PBX3: variants seen among roughly 807,000 people sequenced by gnomAD.
The protein encoded by PBX3 is PBX homeobox 3.
Under a neutral mutation model 48.5 loss-of-function variants are expected in PBX3, and 14 were observed. That is an observed-to-expected ratio of 0.29 (90% CI 0.19 to 0.45). The LOEUF (loss-of-function observed/expected upper bound fraction) is 0.45. Among genes scored for constraint, PBX3 ranks in the 20% least tolerant of loss-of-function variants. PBX3 has a pLI of 1.00. For synonymous variants in PBX3, 210 were observed against 200.3 expected, an observed-to-expected ratio of 1.05 and a Z score of -0.41; for missense variants, 386 against 546.7, an observed-to-expected ratio of 0.71 and a Z score of 2.93.
chr9:125,876,463 G>A (rs1840249707), intron 2 of PBX3, among the ~76,000 whole-genome samples: 1 of 152,140 alleles, frequency 6.6e-6, no homozygotes, highest in Non-Finnish European at 1.5e-5. Context: ...TGAGGATGAA[G>A]ACCTTTGTGA....
rs1489481466 is a variant in PBX3 at position 125,782,439 on chromosome 9, C to T, written c.274+33816C>T. On this transcript the variant is annotated intron_variant, in intron 2 of 8. Transcript: ENST00000373489. The stretch of plus-strand genomic sequence containing the variant: ...GGTTTTGCCCACCTAGTTTCAATAG[C>T]ACATAAAAACTCTACTCCTTTACAA... Among the ~76,000 whole-genome samples the T allele has an allele frequency of 4.6e-5, 7 of 152,274 alleles. No homozygotes were observed. In the East Asian group the frequency reaches 1.3e-3, roughly 29 times the overall value.
At chr9:125,911,061 C>T (rs867920080) in intron 2 of PBX3, among the ~76,000 whole-genome samples, 2 of 152,026 alleles carry the variant, frequency 1.3e-5, no homozygotes, top group African/African-American at 4.8e-5. Context: ...CTTACCCTCC[C>T]AACCCCAAAT....
chr9:125,931,367 A>G (rs893333900), intron 4 of PBX3, among the ~76,000 whole-genome samples: 3 of 152,308 alleles, frequency 2.0e-5, no homozygotes, highest in East Asian at 1.9e-4. Context: ...AAATGATGCT[A>G]TCATGGCTCA....
intron 2 of PBX3, among the ~76,000 whole-genome samples, chr9:125,859,416 G>A (rs546678112): frequency 2.1e-4 from 32 of 152,316 alleles, no homozygotes; most frequent in Non-Finnish European, 4.0e-4. Flanking sequence ...CCTCCAATGG[G>A]TGGGACTGCA....
chr9:125,781,461 A>G (rs905699591), intron 2 of PBX3, among the ~76,000 whole-genome samples: 5 of 149,540 alleles, frequency 3.3e-5, no homozygotes, highest in African/African-American at 9.8e-5. Flanking sequence ...GTGAGCTGAG[A>G]TGGCAGCAGT....
intron 2 of PBX3, among the ~76,000 whole-genome samples, chr9:125,789,752 C>G (rs1837549301): frequency 6.6e-6 from 1 of 152,070 alleles, no homozygotes; most frequent in Non-Finnish European, 1.5e-5. Context: ...GCCTACCACT[C>G]TGGGTGAAAG....
chr9:125,943,751 A>G (rs1842011711), intron 5 of PBX3, among the ~76,000 whole-genome samples: 1 of 152,158 alleles, frequency 6.6e-6, no homozygotes. Flanking sequence ...GCAAGTGACT[A>G]TTTACAATAG....
intron 2 of PBX3, among the ~76,000 whole-genome samples, chr9:125,869,984 C>T (rs548923535): frequency 2.1e-4 from 32 of 151,438 alleles, no homozygotes; most frequent in African/African-American, 7.5e-4. Flanking sequence ...CTCACAGTTC[C>T]ACGTGTCTGG....
In PBX3 at chr9:125,931,452, C is replaced by T. The variant is rs4571832; in HGVS notation, c.707+1607C>T. 8.8e-3 allele frequency among the ~76,000 whole-genome samples: 1,334 copies of T among 152,186 alleles called. 21 individuals are homozygous for T. The highest frequency in any genetic ancestry group is 0.031 in the African/African-American group (1,284 of 41,516). On this transcript the variant is annotated intron_variant, in intron 4 of 8. Coordinates refer to ENST00000373489, the MANE Select transcript of PBX3 (RefSeq NM_006195.6). ...CGAGTAGCTGGGAGGCATTTGCCACCATGCTCGGATAATTTTTGTATTTTT... is the reference window on the plus strand; with the variant it reads ...CGAGTAGCTGGGAGGCATTTGCCACTATGCTCGGATAATTTTTGTATTTTT...
At chr9:125,850,245 A>C (rs950493341) in intron 2 of PBX3, among the ~76,000 whole-genome samples, 4 of 151,988 alleles carry the variant, frequency 2.6e-5, no homozygotes, top group Non-Finnish European at 5.9e-5. Context: ...TATTTCCACG[A>C]GAGTCTGCAG....
intron 2 of PBX3, among the ~76,000 whole-genome samples, chr9:125,848,217 AAC>A (rs543428404): frequency 6.6e-6 from 1 of 152,078 alleles, no homozygotes; most frequent in Non-Finnish European, 1.5e-5. Flanking sequence ...CTATCTCATG[AAC>A]AATGATCAGT....
At chr9:125,961,535 G>T (rs73667811) in intron 6 of PBX3, among the ~76,000 whole-genome samples, 6,327 of 152,284 alleles carry the variant, frequency 0.042, 467 homozygotes, top group African/African-American at 0.14. Context: ...AGCAATTCCA[G>T]GGGCGTTTCT....
At chr9:125,860,817 G>T (rs566064288) in intron 2 of PBX3, among the ~76,000 whole-genome samples, 3 of 149,048 alleles carry the variant, frequency 2.0e-5, no homozygotes, top group South Asian at 2.1e-4. Flanking sequence ...AACCCAGGAG[G>T]CAGAGGTTGC....
chr9:125,841,076 T>C (rs1372275877), intron 2 of PBX3, among the ~76,000 whole-genome samples: 2 of 152,162 alleles, frequency 1.3e-5, no homozygotes, highest in Non-Finnish European at 2.9e-5. Flanking sequence ...GGACTATGAA[T>C]AGCCTCTTTG....
At chr9:125,799,448 G>T (rs76205647) in intron 2 of PBX3, among the ~76,000 whole-genome samples, 1 of 152,356 alleles carries the variant, frequency 6.6e-6, no homozygotes, top group South Asian at 2.1e-4. Flanking sequence ...CAAGGCTGTA[G>T]TGAGCCATGG....
At chr9:125,785,253 T>C (rs994296563) in intron 2 of PBX3, among the ~76,000 whole-genome samples, 3 of 152,200 alleles carry the variant, frequency 2.0e-5, no homozygotes, top group Admixed American at 1.3e-4. Flanking sequence ...TGGGTGTGTC[T>C]GTGAGGGTGT....
chr9:125,791,143 T>G (rs1040829604), intron 2 of PBX3, among the ~76,000 whole-genome samples: 1 of 152,140 alleles, frequency 6.6e-6, no homozygotes, highest in Non-Finnish European at 1.5e-5. Flanking sequence ...CTTGAACTCC[T>G]GACTTCAGGT....
chr9:125,950,676 T>G (rs1271946228), intron 5 of PBX3, among the ~76,000 whole-genome samples: 2 of 152,060 alleles, frequency 1.3e-5, no homozygotes, highest in African/African-American at 2.4e-5. Context: ...GAGACGGGGT[T>G]TCACCATGTT....
At chr9:125,960,258 A>G (rs974601145) in intron 5 of PBX3, among the ~76,000 whole-genome samples, 2 of 152,216 alleles carry the variant, frequency 1.3e-5, no homozygotes, top group Admixed American at 6.5e-5. Flanking sequence ...TGATTCTACT[A>G]TACAGCTGCC....
Sources: allele counts gnomAD v4.1 joint callset (sites outside exome capture counted in the v4.1 genomes callset), GRCh38; gene constraint gnomAD v4.1.1; transcripts MANE v1.5; gene names NCBI Gene and HGNC (gene_info 2026-07-23, HGNC 2026-07-21).